CSMD1: variants seen among roughly 807,000 people sequenced by gnomAD.
CSMD1 encodes the protein CUB and Sushi multiple domains 1.
CSMD1 carries 213 observed loss-of-function variants against 417.5 expected under a neutral mutation model. That is an observed-to-expected ratio of 0.51 (90% CI 0.46 to 0.57). The LOEUF (loss-of-function observed/expected upper bound fraction) is 0.57. CSMD1 is among the 20% of genes least tolerant of loss of function. CSMD1 has a pLI of 0.00. For synonymous variants in CSMD1, 2,862 were observed against 1,736.8 expected (o/e 1.65, Z -16.11); for missense variants, 6,923 against 4,529.7 (o/e 1.53, Z -15.17).
chr8:3,752,810 G>A (rs1410458525), intron 6 of CSMD1, among the ~76,000 whole-genome samples: 1 of 151,728 alleles, frequency 6.6e-6, no homozygotes, highest in South Asian at 2.1e-4. Context: ...TGGTTCCGAT[G>A]TGTACTTCTC....
chr8:4,100,928 A>G (rs996028815), intron 3 of CSMD1, among the ~76,000 whole-genome samples: 35 of 152,214 alleles, frequency 2.3e-4, no homozygotes, highest in Admixed American at 2.3e-3. Context: ...ATGAAGGTGG[A>G]AATGCTAAGA....
At chr8:4,507,113 TGA>T (rs1319838435) in intron 2 of CSMD1, among the ~76,000 whole-genome samples, 3 of 152,154 alleles carry the variant, frequency 2.0e-5, no homozygotes, top group Non-Finnish European at 4.4e-5. Flanking sequence ...TCCTACACTT[TGA>T]TACATTTCAT....
chr8:4,497,040 C>G (rs1802012306), intron 2 of CSMD1, among the ~76,000 whole-genome samples: 1 of 152,198 alleles, frequency 6.6e-6, no homozygotes, highest in Non-Finnish European at 1.5e-5. Context: ...CCCATTTCCT[C>G]TCTGTCTCTT....
At chr8:3,920,928 C>T (rs929278744) in intron 5 of CSMD1, among the ~76,000 whole-genome samples, 1 of 152,056 alleles carries the variant, frequency 6.6e-6, no homozygotes, top group African/African-American at 2.4e-5. Flanking sequence ...TTGGCCTGTA[C>T]ATTTCTTTTA....
chr8:4,028,438 G>A lies in CSMD1; in HGVS notation c.610+3467C>T, dbSNP rs772408425. ...GGTGGTAGTAGTAGCAGTCATCGCCGTCATATGCCATTATGAATACAATAA... is the reference window on the plus strand; with the variant it reads ...GGTGGTAGTAGTAGCAGTCATCGCCATCATATGCCATTATGAATACAATAA... On this transcript the variant is annotated intron_variant, in intron 4 of 69. Transcript: ENST00000635120. Among the ~76,000 whole-genome samples, 35 of 151,872 alleles carry A rather than the reference G, an allele frequency of 2.3e-4. No individual in the cohort carries two copies. In the Middle Eastern group the frequency reaches 0.014, roughly 59 times the overall value.
At chr8:2,986,937 A>G (rs1235288852) in intron 54 of CSMD1, among the ~76,000 whole-genome samples, 1 of 152,122 alleles carries the variant, frequency 6.6e-6, no homozygotes, top group African/African-American at 2.4e-5. Context: ...TTTTGCATCG[A>G]CCTAATAACA....
At chr8:4,005,858 T>C (rs889316897) in intron 4 of CSMD1, among the ~76,000 whole-genome samples, 1 of 152,236 alleles carries the variant, frequency 6.6e-6, no homozygotes, top group Non-Finnish European at 1.5e-5. Context: ...TTTAATTCCC[T>C]GGTCCCCATG....
At chr8:3,293,099 T>C (rs990427248) in intron 25 of CSMD1, among the ~76,000 whole-genome samples, 2 of 152,132 alleles carry the variant, frequency 1.3e-5, no homozygotes, top group East Asian at 1.9e-4. Flanking sequence ...TTAGTTTGGC[T>C]GGATATGAAA....
chr8:4,081,788 C>T (rs537191921), intron 3 of CSMD1, among the ~76,000 whole-genome samples: 1 of 152,158 alleles, frequency 6.6e-6, no homozygotes, highest in East Asian at 1.9e-4. Flanking sequence ...AAGCAAAACA[C>T]TTGAATACAC....
chr8:3,036,626 G>T (rs1057196516), intron 50 of CSMD1, among the ~76,000 whole-genome samples: 1 of 152,114 alleles, frequency 6.6e-6, no homozygotes, highest in Admixed American at 6.5e-5. Context: ...ACTGGTGTTA[G>T]TTCTAGTACC....
At chr8:3,643,886 A>G (rs1392379630) in intron 7 of CSMD1, among the ~76,000 whole-genome samples, 1 of 152,102 alleles carries the variant, frequency 6.6e-6, no homozygotes. Context: ...ACTTGATTTG[A>G]TTTGCTATCT....
At chr8:3,488,813 A>T (rs2055340) in intron 11 of CSMD1, among the ~76,000 whole-genome samples, 112,727 of 152,144 alleles carry the variant, frequency 0.74, 42,193 homozygotes, top group African/African-American at 0.83. Flanking sequence ...GCTCAAAGGC[A>T]GTGCCATTAT....
chr8:4,392,074 C>T (rs986246691), intron 3 of CSMD1, among the ~76,000 whole-genome samples: 1 of 152,170 alleles, frequency 6.6e-6, no homozygotes, highest in African/African-American at 2.4e-5. Flanking sequence ...CACCATGGGT[C>T]TGCAGCTGCA....
chr8:3,071,739 G>A (rs1397830166), intron 49 of CSMD1, among the ~76,000 whole-genome samples: 1 of 152,152 alleles, frequency 6.6e-6, no homozygotes, highest in Non-Finnish European at 1.5e-5. Context: ...TAATTCACCT[G>A]ACATCAAAAC....
intron 8 of CSMD1, among the ~76,000 whole-genome samples, chr8:3,606,992 G>A (rs1048171066): frequency 6.6e-6 from 1 of 152,112 alleles, no homozygotes. Context: ...TTACAAGCGT[G>A]AGCCGCCGTG....
chr8:3,737,134 T>G (rs1025886945), intron 6 of CSMD1, among the ~76,000 whole-genome samples: 1 of 152,214 alleles, frequency 6.6e-6, no homozygotes, highest in Non-Finnish European at 1.5e-5. Context: ...AATCTTAAAT[T>G]AGATGGGAAC....
chr8:3,488,685 A>G, intron 11 of CSMD1, among the ~76,000 whole-genome samples: 1 of 152,164 alleles, frequency 6.6e-6, no homozygotes, highest in East Asian at 1.9e-4. Flanking sequence ...TATTTAAAGA[A>G]TCAAGCAAGA....
At chr8:3,402,404 G>A (rs1381173853) in intron 15 of CSMD1, among the ~76,000 whole-genome samples, 6 of 152,112 alleles carry the variant, frequency 3.9e-5, no homozygotes, top group African/African-American at 1.2e-4. Context: ...GTGTTTTCAT[G>A]TATAGTCATT....
chr8:3,848,972 C>G (rs990917300), intron 5 of CSMD1, among the ~76,000 whole-genome samples: 1 of 150,936 alleles, frequency 6.6e-6, no homozygotes. Flanking sequence ...CAAAAATATA[C>G]TCCTAGTTAA....
Sources: gnomAD v4.1 joint callset for allele counts (sites outside exome capture counted in the v4.1 genomes callset) on GRCh38, gnomAD v4.1.1 for gene constraint, MANE v1.5 for transcripts, NCBI Gene and HGNC (gene_info 2026-07-23, HGNC 2026-07-21) for gene names.